BMERB1: variants seen among roughly 807,000 people sequenced by gnomAD.
BMERB1 encodes bMERB domain-containing protein 1.
In BMERB1, 12 loss-of-function variants were observed where a neutral mutation model predicts 23.6. That is an observed-to-expected ratio of 0.51 (90% CI 0.33 to 0.82). The LOEUF is 0.82. BMERB1 is among the 40% of genes least tolerant of loss of function. The pLI is 0.03. For synonymous variants in BMERB1, 122 were observed against 96.6 expected (o/e 1.26, Z -1.54); for missense variants, 247 against 255.4 (o/e 0.97, Z 0.22).
intron 2 of BMERB1, chr16:15,533,277 AATG>A (rs540248197): frequency 2.0e-4 from 35 of 177,210 alleles, no homozygotes; most frequent in Non-Finnish European, 3.9e-4. Flanking sequence ...TAGAGGGTGG[AATG>A]ATGATCTTTT....
At chr16:15,503,645 A>G (rs978238768) in intron 1 of BMERB1, among the ~76,000 whole-genome samples, 3 of 152,034 alleles carry the variant, frequency 2.0e-5, no homozygotes, top group Admixed American at 6.6e-5. Flanking sequence ...AACCAATCCC[A>G]CACGGATACT....
At chr16:15,544,155 C>T (rs2052110839) in intron 2 of BMERB1, among the ~76,000 whole-genome samples, 1 of 152,176 alleles carries the variant, frequency 6.6e-6, no homozygotes. Context: ...CCAGATTTCT[C>T]TCGAATTTAG....
chr16:15,459,598 G>T (rs1320556551), intron 1 of BMERB1, among the ~76,000 whole-genome samples: 1 of 152,202 alleles, frequency 6.6e-6, no homozygotes, highest in Non-Finnish European at 1.5e-5. Context: ...AACAAGAGTA[G>T]AAGGGAATTG....
At chr16:15,470,696 T>C (rs1373580532) in intron 1 of BMERB1, among the ~76,000 whole-genome samples, 1 of 151,670 alleles carries the variant, frequency 6.6e-6, no homozygotes, top group Non-Finnish European at 1.5e-5. Context: ...TGGCTAATTT[T>C]TTGTATTTTA....
chr16:15,559,121 A>G (rs1303515481), intron 2 of BMERB1, among the ~76,000 whole-genome samples: 2 of 152,166 alleles, frequency 1.3e-5, no homozygotes, highest in African/African-American at 4.8e-5. Flanking sequence ...TGTTACATAT[A>G]TGTCATATGT....
At chr16:15,463,492 C>T (rs1476643162) in intron 1 of BMERB1, among the ~76,000 whole-genome samples, 1 of 152,066 alleles carries the variant, frequency 6.6e-6, no homozygotes, top group Non-Finnish European at 1.5e-5. Context: ...GGAGCCTGTG[C>T]GAGTTGGGCT....
At chr16:15,555,135 T>G (rs1193278100) in intron 2 of BMERB1, among the ~76,000 whole-genome samples, 1 of 152,090 alleles carries the variant, frequency 6.6e-6, no homozygotes, top group Non-Finnish European at 1.5e-5. Flanking sequence ...AGTACAGTGG[T>G]GTGATCATGG....
intron 2 of BMERB1, among the ~76,000 whole-genome samples, chr16:15,539,023 A>G (rs956292811): frequency 2.0e-5 from 3 of 152,188 alleles, no homozygotes; most frequent in Middle Eastern, 3.2e-3. Flanking sequence ...TGGTTTTGAG[A>G]TGATTCAAGT....
chr16:15,468,256 C>T (rs1031064008), intron 1 of BMERB1, among the ~76,000 whole-genome samples: 3 of 149,364 alleles, frequency 2.0e-5, no homozygotes, highest in South Asian at 2.2e-4. Flanking sequence ...AGTGATCCTC[C>T]CACCTCAACC....
intron 1 of BMERB1, among the ~76,000 whole-genome samples, chr16:15,456,250 G>A (rs1201722502): frequency 2.0e-5 from 3 of 151,896 alleles, no homozygotes. Flanking sequence ...TGAATTGGAT[G>A]ATATGTGTAC....
intron 2 of BMERB1, among the ~76,000 whole-genome samples, chr16:15,558,518 G>A (rs141257690): frequency 0.011 from 1,599 of 152,116 alleles, 32 homozygotes; most frequent in African/African-American, 0.036. Flanking sequence ...TCACTTCTCC[G>A]GCATTTGCAC....
intron 1 of BMERB1, among the ~76,000 whole-genome samples, chr16:15,476,160 CTTT>C (rs55893889): frequency 2.4e-4 from 21 of 86,554 alleles, no homozygotes; most frequent in African/African-American, 3.2e-4. Flanking sequence ...ATGTCATTCA[CTTT>C]TTTTTTTTTT....
intron 1 of BMERB1, among the ~76,000 whole-genome samples, chr16:15,488,060 A>G (rs1368415283): frequency 1.3e-5 from 2 of 152,100 alleles, no homozygotes; most frequent in African/African-American, 2.4e-5. Context: ...ATGCAGCCCA[A>G]TAGGTCTCCG....
At chr16:15,468,356 G>A (rs1282256323) in intron 1 of BMERB1, among the ~76,000 whole-genome samples, 1 of 151,816 alleles carries the variant, frequency 6.6e-6, no homozygotes, top group African/African-American at 2.4e-5. Flanking sequence ...GTGTTGGACA[G>A]ACTGGTCTCA....
At chr16:15,462,262 C>T (rs781433980) in intron 1 of BMERB1, among the ~76,000 whole-genome samples, 3 of 149,510 alleles carry the variant, frequency 2.0e-5, no homozygotes, top group African/African-American at 7.4e-5. Flanking sequence ...CTAGATTCTC[C>T]AGCCTCAGCC....
At chr16:15,528,301 C>G (rs1018151784) in intron 2 of BMERB1, among the ~76,000 whole-genome samples, 9 of 152,010 alleles carry the variant, frequency 5.9e-5, no homozygotes, top group African/African-American at 2.2e-4. Flanking sequence ...GCAGAATGGA[C>G]AGAAGGGCAA....
intron 2 of BMERB1, among the ~76,000 whole-genome samples, chr16:15,539,951 A>G (rs771885159): frequency 3.9e-5 from 6 of 152,152 alleles, no homozygotes; most frequent in Non-Finnish European, 7.4e-5. Flanking sequence ...ACTTGAGCCT[A>G]GGAGTTTGAG....
chr16:15,534,356 A>G (rs909856476), intron 2 of BMERB1, among the ~76,000 whole-genome samples: 5 of 148,984 alleles, frequency 3.4e-5, no homozygotes, highest in African/African-American at 1.2e-4. Context: ...TAATCCTAGC[A>G]CTTTGGGAGG....
chr16:15,516,417 C>T (rs1377089575), intron 2 of BMERB1, among the ~76,000 whole-genome samples: 1 of 151,778 alleles, frequency 6.6e-6, no homozygotes, highest in Non-Finnish European at 1.5e-5. Context: ...GAGAGCCTGT[C>T]GCTAAAAGAA....
Sources: gnomAD v4.1 joint callset for allele counts (sites outside exome capture counted in the v4.1 genomes callset) on GRCh38, gnomAD v4.1.1 for gene constraint, MANE v1.5 for transcripts, NCBI Gene and HGNC (gene_info 2026-07-23, HGNC 2026-07-21) for gene names.